The following MCF2L variants were observed in gnomAD, a reference collection of about 807,000 sequenced individuals.
MCF2L encodes the protein guanine nucleotide exchange factor DBS.
Under a neutral mutation model 153.4 loss-of-function variants are expected in MCF2L, and 97 were observed. The ratio of observed to expected loss-of-function variants is 0.63; its 90% CI spans 0.54 to 0.75. The LOEUF is 0.75. Ranked by LOEUF, MCF2L falls within the 30% of genes least tolerant of loss-of-function variation. The pLI is 0.00. For missense variants in MCF2L, 1,347 were observed against 1,495.2 expected (o/e 0.90, Z 1.64); for synonymous variants, 659 against 632.2 (o/e 1.04, Z -0.64).
chr13:112,958,887 G>A (rs1329802036), intron 2 of MCF2L, among the ~76,000 whole-genome samples: 2 of 152,180 alleles, frequency 1.3e-5, no homozygotes, highest in Non-Finnish European at 2.9e-5. Flanking sequence ...TGGATGGCTC[G>A]TGGGAGAGCC....
intron 2 of MCF2L, among the ~76,000 whole-genome samples, chr13:112,937,263 C>T (rs2081524528): frequency 6.6e-6 from 1 of 152,110 alleles, no homozygotes; most frequent in Admixed American, 6.6e-5. Context: ...CCATATTGGC[C>T]AGGCTGATCT....
rs1265341405 is a variant in MCF2L, at chr13:112,952,608, G to GGA, written c.169+50238_169+50239insAG. On this transcript the variant is annotated intron_variant, in intron 2 of 29. Transcript: ENST00000375608. Reference sequence around the variant, plus strand: ...TTTCAATAGTTTGTGGATTGTTTGGGGCATATCTGGTGGGGAGAATCTGAA... The same window carrying GGA: ...TTTCAATAGTTTGTGGATTGTTTGGGGAGCATATCTGGTGGGGAGAATCTGAA... Among the ~76,000 whole-genome samples, 6 of 152,062 alleles carry GGA rather than the reference G, an allele frequency of 3.9e-5. No individual in the cohort carries two copies. The East Asian group carries it at 1.2e-3, about 29-fold the overall frequency.
At chr13:112,922,316 C>T (rs377519957) in intron 2 of MCF2L, among the ~76,000 whole-genome samples, 5 of 152,316 alleles carry the variant, frequency 3.3e-5, no homozygotes, top group African/African-American at 9.6e-5. Context: ...CCACACAGAA[C>T]GTCTTCCAGA....
rs561899649 is a variant in MCF2L at position 112,913,331 on chromosome 13, A to AT, written c.169+10966dup. Among the ~76,000 whole-genome samples the AT allele has an allele frequency of 1.8e-3, 280 of 151,936 alleles. 1 individual carries two copies. The highest frequency in any genetic ancestry group is 6.5e-3 in the African/African-American group (268 of 41,396). ...GTTTATGTGTGTGTGTCTTTGTGTG[A>AT]TTTTTTGTGTATATGGCAAACCCAG... On this transcript the variant is annotated intron_variant, in intron 2 of 29. Coordinates refer to the MCF2L transcript ENST00000375608.
At chr13:112,919,976 G>A (rs950879692) in intron 2 of MCF2L, among the ~76,000 whole-genome samples, 2 of 152,138 alleles carry the variant, frequency 1.3e-5, no homozygotes, top group South Asian at 2.1e-4. Flanking sequence ...TTATGGTAGC[G>A]AGGCACCCCT....
chr13:112,959,520 G>A (rs370756704), intron 2 of MCF2L, among the ~76,000 whole-genome samples: 25 of 152,116 alleles, frequency 1.6e-4, no homozygotes, highest in African/African-American at 5.3e-4. Context: ...GGGTCATCCT[G>A]GGGGGAGAAC....
In MCF2L at chr13:113,064,337, G is replaced by A. The variant is rs142948956; in HGVS notation, c.523G>A (p.Gly175Ser). 21 of 1,612,960 alleles carry A rather than the reference G, an allele frequency of 1.3e-5. No homozygotes were observed. Among genetic ancestry groups the A allele is most frequent in the African/African-American group, 6.7e-5 (5 of 75,062 alleles). ...GCTGAGCTCCGTACCAGACTTACAC[G>A]GTTACATCGATAAGTCGCAGCTGAC... ...IMLSSVPDLH[G>S]YIDKSQLTED... The change falls in exon 6 of 30, where the codon GGT becomes AGT. Residue 175 changes from glycine (G) to serine (S), a missense_variant. Physicochemically the swap from Gly to Ser is moderately conservative, Grantham distance 56. Around this residue, in one of 3 missense-constraint regions of MCF2L, gnomAD observed 820 missense variants for 921.2 expected, o/e 0.89. Transcript: ENST00000535094. This position sits in a 1 kb window ranked among gnomAD's most constrained non-coding sequence, Gnocchi z 6.0.
At chr13:113,087,836 T>TA (rs778008448) in intron 23 of MCF2L, 37 bp downstream of exon 23, 1 of 1,539,930 alleles carries the variant, frequency 6.5e-7, no homozygotes, top group Non-Finnish European at 9.0e-7. Flanking sequence ...TCTTACACAT[T>TA]GCCACGAATG....
rs759707293 is a variant in MCF2L at position 113,064,941 on chromosome 13, C to T, written c.612C>T (p.Ile204=). 1.6e-5 allele frequency: 25 copies of T among 1,612,088 alleles called. No individual in the cohort carries two copies. The highest frequency in any genetic ancestry group is 1.6e-5 in the Non-Finnish European group (19 of 1,179,404). Reference sequence around the variant, plus strand: ...GTGTTTTCTCTGTCCCCAAGGCCATCGAAAGTTTCGCCCTCATGGTGAAGC... The same window carrying T: ...GTGTTTTCTCTGTCCCCAAGGCCATTGAAAGTTTCGCCCTCATGGTGAAGC... The part of the protein sequence containing the change: ...HSRWLCQRTA[I]ESFALMVKQT... Residue 204 remains isoleucine (I), a synonymous_variant, in exon 7 of 30, where the codon ATC becomes ATT. Transcript: ENST00000535094. The surrounding 1 kb of genome is among the most constrained non-coding windows in gnomAD (Gnocchi z 6.0).
intron 2 of MCF2L, among the ~76,000 whole-genome samples, chr13:112,930,437 T>C (rs951087060): frequency 1.3e-5 from 2 of 152,216 alleles, no homozygotes; most frequent in Non-Finnish European, 2.9e-5. Flanking sequence ...GAAGCCAATC[T>C]GAAAAGGCCA....
chr13:112,944,693 A>G (rs1370415698), intron 2 of MCF2L, among the ~76,000 whole-genome samples: 2 of 148,608 alleles, frequency 1.3e-5, no homozygotes, highest in Admixed American at 6.9e-5. Context: ...TCACTGTGTT[A>G]GCCAGGATGG....
rs148787300 is a variant in MCF2L, at chr13:113,064,401, G to C, written c.587G>C (p.Arg196Pro). The C allele has an allele frequency of 1.2e-6, 2 of 1,611,664 alleles. No individual in the cohort carries two copies. Among genetic ancestry groups the C allele is most frequent in the Non-Finnish European group, 1.7e-6 (2 of 1,179,222 alleles). ...LGGTLDYCHSRWLCQRTAIES... is the reference protein window; with the variant it reads ...LGGTLDYCHSPWLCQRTAIES... ...GGGACCCTGGACTACTGCCACTCCC[G>C]GTGGCTGTGCCAGCGCACGGTGAGC... Residue 196 changes from arginine (R) to proline (P), a missense_variant, in exon 6 of 30, where the codon CGG becomes CCG. Coordinates refer to ENST00000535094, the MANE Select transcript of MCF2L (RefSeq NM_001112732.3). This position sits in a 1 kb window ranked among gnomAD's most constrained non-coding sequence, Gnocchi z 6.0.
chr13:113,081,138 T>A, intron 15 of MCF2L, 75 bp from the exon 16 acceptor site: 2 of 1,284,484 alleles, frequency 1.6e-6, no homozygotes, highest in South Asian at 1.4e-5. Context: ...AGGTGGCACC[T>A]GTGAGACTGT....
chr13:113,082,152 A>G (rs1226782029), intron 16 of MCF2L, among the ~76,000 whole-genome samples: 1 of 152,190 alleles, frequency 6.6e-6, no homozygotes, highest in Non-Finnish European at 1.5e-5. Context: ...AGGTCACCCG[A>G]GTGTAGACAT....
At chr13:113,017,284 G>T (rs1231473812) in intron 2 of MCF2L, among the ~76,000 whole-genome samples, 2 of 152,202 alleles carry the variant, frequency 1.3e-5, no homozygotes, top group African/African-American at 2.4e-5. Context: ...CGTCTCTCAG[G>T]TTCCGTGGGG....
At chr13:113,004,129 T>TC (rs1384018252) in intron 1 of MCF2L, among the ~76,000 whole-genome samples, 1 of 151,934 alleles carries the variant, frequency 6.6e-6, no homozygotes, top group South Asian at 2.1e-4. Context: ...AGGCCACGCC[T>TC]CCCCCCGGCC....
rs2082524337 is a variant in MCF2L, at chr13:112,983,708, A to G, written c.79+14250A>G. ...GACGGACACTTCAGTGCTCTGACGC[A>G]CTGTGGCCCCGGGGAAGCGTGGTGT... On this transcript the variant is annotated intron_variant, in intron 1 of 29. Transcript: ENST00000535094. This position sits in a 1 kb window ranked among gnomAD's most constrained non-coding sequence, Gnocchi z 4.0. Among the ~76,000 whole-genome samples the G allele has an allele frequency of 6.6e-6, 1 of 152,154 alleles. No homozygotes were observed. Among genetic ancestry groups the G allele is most frequent in the African/African-American group, 2.4e-5 (1 of 41,448 alleles).
chr13:113,043,425 G>C (rs550620458), intron 3 of MCF2L: 1 of 152,410 alleles, frequency 6.6e-6, no homozygotes, highest in African/African-American at 2.4e-5. Flanking sequence ...CCCTGGCTTG[G>C]AGTCCAAAGG....
intron 2 of MCF2L, among the ~76,000 whole-genome samples, chr13:112,953,839 C>T (rs764009145): frequency 1.3e-5 from 2 of 152,204 alleles, no homozygotes; most frequent in Middle Eastern, 3.2e-3. Context: ...CTGGGTCAGA[C>T]GGCAAAGGCA....
Sources: allele counts gnomAD v4.1 joint callset (sites outside exome capture counted in the v4.1 genomes callset), GRCh38; gene constraint gnomAD v4.1.1; regional missense constraint gnomAD v4.1.1; non-coding constraint Gnocchi (gnomAD v3.1); transcripts MANE v1.5; gene names NCBI Gene and HGNC (gene_info 2026-07-23, HGNC 2026-07-21).